Variants in PLXNA2 observed in about 807,000 individuals in gnomAD.
PLXNA2 encodes plexin A2, also known as plexin-A2.
Under a neutral mutation model 193.5 loss-of-function variants are expected in PLXNA2, and 91 were observed. The ratio of observed to expected loss-of-function variants is 0.47; its 90% CI spans 0.40 to 0.56. The LOEUF (loss-of-function observed/expected upper bound fraction) is 0.56, where lower values mean the gene tolerates loss of function less well. Among genes scored for constraint, PLXNA2 ranks in the 20% least tolerant of loss-of-function variants. The probability of loss-of-function intolerance (pLI) is 0.00; values close to 1 mark genes in which losing one functional copy is unlikely to be tolerated. For synonymous variants in PLXNA2, 997 were observed against 1,027.3 expected (o/e 0.97, Z 0.56); for missense variants, 1,995 against 2,503.2 (o/e 0.80, Z 4.33).
intron 3 of PLXNA2, among the ~76,000 whole-genome samples, chr1:208,162,172 A>G (rs1558223024): frequency 2.0e-5 from 3 of 152,238 alleles, no homozygotes; most frequent in Non-Finnish European, 4.4e-5. Flanking sequence ...CTCATTAGGA[A>G]AGGCCAAAGG....
At position 208,042,485 on chromosome 1, in the gene PLXNA2, C is replaced by T. The variant is rs1030890411; in HGVS notation, c.4018-119G>A. 9.5e-6 allele frequency: 10 copies of T among 1,057,560 alleles called. No homozygotes were observed. The African/African-American group carries it at 1.4e-4, about 15-fold the overall frequency. 65.5% of individuals were successfully genotyped at this position (1,057,560 alleles called of 1,614,324 possible). ...TAGCTGTAGGACCCTATGTTTGAGG[C>T]CTATAACCAACCCCACCCCATTCCA... On this transcript the variant is annotated intron_variant, in intron 21 of 31. Transcript: ENST00000367033.
At chr1:208,173,262 A>G (rs759113746) in intron 3 of PLXNA2, among the ~76,000 whole-genome samples, 2 of 152,256 alleles carry the variant, frequency 1.3e-5, no homozygotes, top group Non-Finnish European at 2.9e-5. Context: ...GGCCACTAGT[A>G]TTAATGCCTT....
chr1:208,060,614 AGGGAGAG>A lies in PLXNA2; in HGVS notation c.2738+65_2738+71del, dbSNP rs1193741182. On this transcript the variant is annotated intron_variant, in intron 13 of 31. Transcript: ENST00000367033. ...GATCAATCATGGAAAAGGCCCAGGA[AGGGAGAG>A]GGGAGAGTCTCCAGTCTCCACTCTG... The A allele has an allele frequency of 3.5e-6, 5 of 1,422,308 alleles. No individual in the cohort carries two copies. In the African/African-American group the frequency reaches 7.2e-5, roughly 20 times the overall value. The allele number at this position is 1,422,308 out of a possible 1,614,324, so 88.1% of individuals were successfully genotyped here.
intron 3 of PLXNA2, among the ~76,000 whole-genome samples, chr1:208,171,361 T>A (rs1669489826): frequency 6.6e-6 from 1 of 152,190 alleles, no homozygotes; most frequent in Admixed American, 6.5e-5. Context: ...CCAGATACAT[T>A]TTAAAGGTTT....
rs78240338 is a variant in PLXNA2 at position 208,236,785 on chromosome 1, T to C, written c.-81+6858A>G. On this transcript the variant is annotated intron_variant, in intron 1 of 31. Transcript: ENST00000367033. This position sits in a 1 kb window ranked among gnomAD's most constrained non-coding sequence, Gnocchi z 4.4. ...GACTGGAATCTAGTGGTTCTTTACA[T>C]TGTGGAGGGGGCAAGAACTCCTTCT... Among the ~76,000 whole-genome samples the C allele has an allele frequency of 0.041, 6,174 of 152,292 alleles. 221 individuals are homozygous for C. The highest frequency in any genetic ancestry group is 0.13 in the East Asian group (672 of 5,162).
At chr1:208,095,164 G>A (rs1473592828) in intron 8 of PLXNA2, among the ~76,000 whole-genome samples, 1 of 152,190 alleles carries the variant, frequency 6.6e-6, no homozygotes, top group African/African-American at 2.4e-5. Context: ...TGACCCTTAT[G>A]TGGCTCTATT....
rs751893998 is a variant in PLXNA2 at position 208,168,723 on chromosome 1, G to GTTTTTTTTTTTTTTTTTTTTTTT, written c.1372-26261_1372-26260insAAAAAAAAAAAAAAAAAAAAAAA. On this transcript the variant is annotated intron_variant, in intron 3 of 31. Coordinates refer to ENST00000367033, the MANE Select transcript of PLXNA2 (RefSeq NM_025179.4). ...CAAAAAGAAGACAAAGAGTATGCGG[G>GTTTTTTTTTTTTTTTTTTTTTTT]GTTTTTTTTTTTTTTTTTTTTTTTT... 1.7e-4 allele frequency among the ~76,000 whole-genome samples: 17 copies of GTTTTTTTTTTTTTTTTTTTTTTT among 102,232 alleles called. 3 individuals are homozygous for GTTTTTTTTTTTTTTTTTTTTTTT. The East Asian group carries it at 3.2e-3, about 19-fold the overall frequency. 67.1% of individuals were successfully genotyped at this position (102,232 alleles called of 152,430 possible).
chr1:208,045,617 T>C (rs1665036855), intron 18 of PLXNA2, among the ~76,000 whole-genome samples: 1 of 152,176 alleles, frequency 6.6e-6, no homozygotes, highest in Non-Finnish European at 1.5e-5. Flanking sequence ...TACTCCCAAC[T>C]CACTGCAGTA....
chr1:208,054,353 G>C (rs1665356972), intron 14 of PLXNA2, 68 bp downstream of exon 14: 1 of 1,079,388 alleles, frequency 9.3e-7, no homozygotes, highest in Admixed American at 1.7e-5. Context: ...GGGGCTTCCT[G>C]GGAGGAGTCT....
At chr1:208,187,623 A>G (rs577025123) in intron 3 of PLXNA2, among the ~76,000 whole-genome samples, 2 of 152,368 alleles carry the variant, frequency 1.3e-5, no homozygotes, top group African/African-American at 2.4e-5. Flanking sequence ...AGCCAGTGCT[A>G]TGCGAAGACG....
At chr1:208,080,466 G>A (rs147217444) in intron 11 of PLXNA2, among the ~76,000 whole-genome samples, 1 of 152,260 alleles carries the variant, frequency 6.6e-6, no homozygotes, top group East Asian at 1.9e-4. Context: ...AGCAAAACAC[G>A]TAAAAGTCAT....
chr1:208,059,868 G>A (rs1278183600), intron 13 of PLXNA2, among the ~76,000 whole-genome samples: 4 of 152,060 alleles, frequency 2.6e-5, no homozygotes, highest in Non-Finnish European at 5.9e-5. Context: ...CGGTGGGGGG[G>A]ATCAGAGGAA....
chr1:208,029,502 T>G, intron 29 of PLXNA2: 1 of 1,000,862 alleles, frequency 1.0e-6, no homozygotes, highest in Non-Finnish European at 1.2e-6. Context: ...GGGCGCCACC[T>G]GCGCTCCCCG....
At chr1:208,088,179 A>G (rs1666589105) in intron 9 of PLXNA2, among the ~76,000 whole-genome samples, 1 of 152,166 alleles carries the variant, frequency 6.6e-6, no homozygotes, top group Non-Finnish European at 1.5e-5. Context: ...AACTTGTAGG[A>G]ATACCCCAGG....
At chr1:208,052,045 T>A (rs966960534) in intron 15 of PLXNA2, among the ~76,000 whole-genome samples, 19 of 152,190 alleles carry the variant, frequency 1.2e-4, no homozygotes, top group African/African-American at 4.6e-4. Flanking sequence ...GAATGCTTGA[T>A]CCTAGTGGTG....
chr1:208,237,532 C>T (rs1671904933), intron 1 of PLXNA2, among the ~76,000 whole-genome samples: 1 of 152,162 alleles, frequency 6.6e-6, no homozygotes, highest in Non-Finnish European at 1.5e-5. Context: ...GAAAACAACT[C>T]CAGCGCTGTC....
chr1:208,176,614 AC>A (rs1669669107), intron 3 of PLXNA2, among the ~76,000 whole-genome samples: 1 of 152,084 alleles, frequency 6.6e-6, no homozygotes, highest in African/African-American at 2.4e-5. Flanking sequence ...GGGTGATTTT[AC>A]CCAGGGACAT....
chr1:208,214,549 G>T (rs1326155993), intron 2 of PLXNA2, among the ~76,000 whole-genome samples: 1 of 152,190 alleles, frequency 6.6e-6, no homozygotes, highest in African/African-American at 2.4e-5. Flanking sequence ...TCAAGTACTG[G>T]TGCTTGGTCC....
chr1:208,230,054 T>C (rs1451343323), intron 1 of PLXNA2: 1 of 152,156 alleles, frequency 6.6e-6, no homozygotes, highest in Non-Finnish European at 1.5e-5. Context: ...CCTCACAGGG[T>C]TGTGGTGAGA....
Sources: gnomAD v4.1 joint callset for allele counts (sites outside exome capture counted in the v4.1 genomes callset) on GRCh38, gnomAD v4.1.1 for gene constraint, Gnocchi (gnomAD v3.1) non-coding constraint, MANE v1.5 for transcripts, NCBI Gene and HGNC (gene_info 2026-07-23, HGNC 2026-07-21) for gene names.